The following HERC1 variants were observed in gnomAD, a reference collection of about 807,000 sequenced individuals.
HERC1 encodes the protein probable E3 ubiquitin-protein ligase HERC1.
Under a neutral mutation model 554.3 loss-of-function variants are expected in HERC1, and 160 were observed. That is an observed-to-expected ratio of 0.29 (90% CI 0.25 to 0.33). The LOEUF is 0.33. Ranked by LOEUF, HERC1 falls within the 10% of genes least tolerant of loss-of-function variation. The probability of loss-of-function intolerance (pLI) is 1.00; values close to 1 mark genes in which losing one functional copy is unlikely to be tolerated. For synonymous variants in HERC1, 2,175 were observed against 2,131.7 expected (o/e 1.02, Z -0.56); for missense variants, 4,919 against 5,918.5 (o/e 0.83, Z 5.54).
chr15:63,669,924 A>C (rs2070817585), intron 39 of HERC1, among the ~76,000 whole-genome samples: 1 of 152,190 alleles, frequency 6.6e-6, no homozygotes, highest in South Asian at 2.1e-4. Flanking sequence ...AAATGCCAGC[A>C]ACAAAGCAGG....
At chr15:63,780,870 T>C (rs536194559) in intron 1 of HERC1, among the ~76,000 whole-genome samples, 122 of 152,256 alleles carry the variant, frequency 8.0e-4, no homozygotes, top group African/African-American at 2.8e-3. Context: ...GAATAAAACA[T>C]ATATGAAAGT....
rs1473444404 is a variant in HERC1, at chr15:63,718,880, A to G, written c.3760T>C (p.Leu1254=). ...GTGTCCAAGAGTGACTCATTACTTA[A>G]AGTTGCACTGTCCCAATCTGAAAAT... ...AVSKDWDSAT[L]SNESLLDTVS... is the part of the protein sequence containing the mutation. The change falls in exon 20 of 78, where the codon TTA becomes CTA. Residue 1254 remains leucine (L), a synonymous_variant. Transcript: ENST00000443617. The surrounding 1 kb of genome is among the most constrained non-coding windows in gnomAD (Gnocchi z 4.2). 6.2e-7 allele frequency: 1 copy of G among 1,609,968 alleles called. No homozygotes were observed. The highest frequency in any genetic ancestry group is 1.1e-5 in the South Asian group (1 of 90,746).
chr15:63,638,336 C>A (rs374224646), intron 63 of HERC1, 75 bp downstream of exon 63: 8 of 1,452,610 alleles, frequency 5.5e-6, no homozygotes, highest in East Asian at 4.5e-5. Context: ...AAGCTTTATC[C>A]CACAATAAGA....
rs577715433 is a variant in HERC1, at chr15:63,691,444, C to T, written c.5831-797G>A. Among the ~76,000 whole-genome samples, 16 of 150,894 alleles carry T rather than the reference C, an allele frequency of 1.1e-4. No homozygotes were observed. The East Asian group carries it at 2.3e-3, about 22-fold the overall frequency. On this transcript the variant is annotated intron_variant, in intron 31 of 77. Coordinates refer to ENST00000443617, the MANE Select transcript of HERC1 (RefSeq NM_003922.4). ...TCACACCACTGCACTCCAGCCTGGGCGACACAGAGAGCCTCTGTCTCAAAA... is the reference window on the plus strand; with the variant it reads ...TCACACCACTGCACTCCAGCCTGGGTGACACAGAGAGCCTCTGTCTCAAAA...
chr15:63,751,239 A>G (rs959159486), intron 8 of HERC1, among the ~76,000 whole-genome samples: 1 of 152,180 alleles, frequency 6.6e-6, no homozygotes, highest in East Asian at 1.9e-4. Flanking sequence ...CTATGTTTAG[A>G]TATGTTTAGA....
chr15:63,763,195 G>C (rs2075666368), intron 3 of HERC1, among the ~76,000 whole-genome samples: 1 of 151,910 alleles, frequency 6.6e-6, no homozygotes, highest in Non-Finnish European at 1.5e-5. Context: ...CCTGGTGTTG[G>C]GTCTGATCAC....
At chr15:63,746,222 A>G (rs1398841737) in intron 12 of HERC1, among the ~76,000 whole-genome samples, 1 of 151,818 alleles carries the variant, frequency 6.6e-6, no homozygotes, top group Non-Finnish European at 1.5e-5. Context: ...TTGGTATGTT[A>G]AGTTTTTGTT....
At chr15:63,649,087 G>T (rs2069514329) in intron 54 of HERC1, among the ~76,000 whole-genome samples, 1 of 152,214 alleles carries the variant, frequency 6.6e-6, no homozygotes, top group Admixed American at 6.5e-5. Context: ...AGGCACGGTG[G>T]CTCACGCCTG....
rs896436653 is a variant in HERC1, at chr15:63,725,419, G to A, written c.3441C>T (p.Leu1147=). ...WLVDLERTIA[L]LIGRCLGGML... ...TGCCACCAAGACACCGCCCAATAAGGAGAGCAATTGTTCTTTCTAGATCCA... is the reference window on the plus strand; with the variant it reads ...TGCCACCAAGACACCGCCCAATAAGAAGAGCAATTGTTCTTTCTAGATCCA... The change falls in exon 18 of 78, where the codon CTC becomes CTT. Residue 1147 remains leucine (L), a synonymous_variant. Coordinates refer to ENST00000443617, the MANE Select transcript of HERC1 (RefSeq NM_003922.4). 3 of 1,613,702 alleles carry A rather than the reference G, an allele frequency of 1.9e-6. No individual in the cohort carries two copies. Among genetic ancestry groups the A allele is most frequent in the Admixed American group, 3.3e-5 (2 of 59,988 alleles).
At chr15:63,628,876 A>G in intron 69 of HERC1, 61 bp from the exon 70 acceptor site, 1 of 1,544,388 alleles carries the variant, frequency 6.5e-7, no homozygotes, top group Admixed American at 1.8e-5. Context: ...GGAAGTCAAT[A>G]TGAAATTTTT....
At chr15:63,615,998 C>G in intron 75 of HERC1, 78 bp from the exon 76 acceptor site, 2 of 1,199,154 alleles carry the variant, frequency 1.7e-6, no homozygotes, top group Non-Finnish European at 2.3e-6. Flanking sequence ...AAATACGGCA[C>G]AGCAATAACA....
At position 63,678,619 on chromosome 15, in the gene HERC1, A is replaced by T. The variant is rs147677350; in HGVS notation, c.6550-254T>A. 2.0e-5 allele frequency among the ~76,000 whole-genome samples: 3 copies of T among 152,278 alleles called. No homozygotes were observed. The East Asian group carries it at 5.8e-4, about 29-fold the overall frequency. On this transcript the variant is annotated intron_variant, in intron 36 of 77. Transcript: ENST00000443617. ...TCATGAATTCCAGAGATGTTAGGAA[A>T]ATTTGAAAGATGAATATAGAGACCA... is the stretch of plus-strand genomic sequence containing the variant.
At chr15:63,757,690 A>C (rs1020453099) in intron 4 of HERC1, among the ~76,000 whole-genome samples, 1 of 152,164 alleles carries the variant, frequency 6.6e-6, no homozygotes, top group Non-Finnish European at 1.5e-5. Context: ...TGTCAGGGAT[A>C]CTGGGGACTA....
At chr15:63,762,576 C>G (rs979680417) in intron 3 of HERC1, among the ~76,000 whole-genome samples, 1 of 152,108 alleles carries the variant, frequency 6.6e-6, no homozygotes, top group Non-Finnish European at 1.5e-5. Context: ...CCACCCACCT[C>G]GGCCTCCCAA....
At chr15:63,675,773 A>C (rs2071167399) in intron 37 of HERC1, among the ~76,000 whole-genome samples, 1 of 152,164 alleles carries the variant, frequency 6.6e-6, no homozygotes, top group African/African-American at 2.4e-5. Flanking sequence ...TGTAATAAAA[A>C]GCTTTTGCTG....
Position 63,656,188 on chromosome 15 carries a change from T to C in HERC1, c.9770A>G (p.Asn3257Ser). Residue 3257 changes from asparagine to serine, a missense_variant, in exon 49 of 78, where the codon AAC becomes AGC. This residue lies in a region of HERC1 where 1,963 missense variants were observed against 2,228.6 expected (regional missense o/e 0.88). Transcript: ENST00000443617. ...ATAGGCCAGGCAAGAGATAGGCTTG[T>C]TAGCCTTGCTATGCCCACCTCGTGA... is the stretch of plus-strand genomic sequence containing the variant. ...ERSRGGHSKANKPISCLAYLS... is the reference protein window; with the variant it reads ...ERSRGGHSKASKPISCLAYLS... 1 of 1,612,750 alleles carries C rather than the reference T, an allele frequency of 6.2e-7. No homozygotes were observed. The highest frequency in any genetic ancestry group is 1.1e-5 in the South Asian group (1 of 90,830).
intron 24 of HERC1, among the ~76,000 whole-genome samples, chr15:63,708,448 T>C (rs1428823023): frequency 6.6e-6 from 1 of 152,232 alleles, no homozygotes; most frequent in Non-Finnish European, 1.5e-5. Context: ...TCATCTAAAT[T>C]ATCCTTTTGT....
chr15:63,728,904 A>C (rs1264859733), intron 16 of HERC1, among the ~76,000 whole-genome samples: 1 of 151,662 alleles, frequency 6.6e-6, no homozygotes, highest in Non-Finnish European at 1.5e-5. Context: ...AAAAATGGTA[A>C]ATGCTGAAGA....
intron 34 of HERC1, among the ~76,000 whole-genome samples, chr15:63,682,671 G>T (rs574895703): frequency 6.6e-6 from 1 of 152,204 alleles, no homozygotes; most frequent in East Asian, 1.9e-4. Context: ...TTCTTAAGCT[G>T]AGCTTTTGCT....
Sources: gnomAD v4.1 joint callset for allele counts (sites outside exome capture counted in the v4.1 genomes callset) on GRCh38, gnomAD v4.1.1 for gene constraint, gnomAD v4.1.1 regional missense constraint, Gnocchi (gnomAD v3.1) non-coding constraint, MANE v1.5 for transcripts, NCBI Gene and HGNC (gene_info 2026-07-23, HGNC 2026-07-21) for gene names.